PSG8: variants seen among roughly 807,000 people sequenced by gnomAD.
PSG8 encodes the protein pregnancy-specific beta-1-glycoprotein 8.
Under a neutral mutation model 42.5 loss-of-function variants are expected in PSG8, and 57 were observed. The ratio of observed to expected loss-of-function variants is 1.34; its 90% CI spans 1.08 to 1.67. The LOEUF (loss-of-function observed/expected upper bound fraction) is 1.67. Among genes scored for constraint, PSG8 ranks in the 40% most tolerant of loss-of-function variants. The pLI is 0.00. For missense variants in PSG8, 783 were observed against 518.6 expected (o/e 1.51, Z -4.95); for synonymous variants, 280 against 196.8 (o/e 1.42, Z -3.54).
downstream of PSG8, chr19:42,752,988 C>G (rs955237718): frequency 1.1e-5 from 5 of 475,280 alleles, no homozygotes; most frequent in African/African-American, 9.7e-5. Flanking sequence ...CTATTGTTAC[C>G]CTCAGAAGCT....
chr19:42,763,929 G>T lies in PSG8; in HGVS notation c.417C>A (p.Thr139=). 6.2e-7 allele frequency: 1 copy of T among 1,613,706 alleles called. No individual in the cohort carries two copies. Among genetic ancestry groups the T allele is most frequent in the Non-Finnish European group, 8.5e-7 (1 of 1,179,782 alleles). The change falls in exon 2 of 5, where the codon ACC becomes ACA. Residue 139 remains threonine, a synonymous_variant. Transcript: ENST00000306511. ...DENRGVTGHF[T]FTLYLETPKP... ...GGAATCACTCACGATATAAGGTGAA[G>T]GTGAAATGTCCAGTTACTCCTCTAT...
intron 2 of PSG8, 71 bp downstream of exon 2, chr19:42,763,845 A>T: frequency 6.2e-7 from 1 of 1,610,958 alleles, no homozygotes; most frequent in South Asian, 1.1e-5. Context: ...TCCAGGCCTG[A>T]CAATCCTGTG....
At chr19:42,754,744 A>T in intron 4 of PSG8, 157 bp from the exon 5 acceptor site, 1 of 1,271,100 alleles carries the variant, frequency 7.9e-7, no homozygotes, top group Non-Finnish European at 1.1e-6. Context: ...TCAGGTATTC[A>T]CCTGTTTCTC....
intron 1 of PSG8, among the ~76,000 whole-genome samples, chr19:42,765,001 C>A (rs1005692649): frequency 6.6e-6 from 1 of 151,944 alleles, no homozygotes; most frequent in South Asian, 2.1e-4. Context: ...ATGTGGTGGC[C>A]CCTGATGATT....
At chr19:42,761,918 C>T (rs1970086624) in intron 2 of PSG8, among the ~76,000 whole-genome samples, 2 of 133,706 alleles carry the variant, frequency 1.5e-5, no homozygotes, top group Admixed American at 8.8e-5. Context: ...TATCCCTGTC[C>T]CATTGTCTTG....
chr19:42,765,131 C>A (rs964534219), intron 1 of PSG8, among the ~76,000 whole-genome samples: 1 of 151,292 alleles, frequency 6.6e-6, no homozygotes, highest in Non-Finnish European at 1.5e-5. Flanking sequence ...TCCAATAGAG[C>A]CTTCTTTCCT....
chr19:42,758,366 A>T, intron 2 of PSG8, 86 bp from the exon 3 acceptor site: 1 of 1,550,658 alleles, frequency 6.4e-7, no homozygotes, highest in Non-Finnish European at 8.7e-7. Context: ...GGCATTTCCC[A>T]CCTCTCAGCC....
In PSG8 at chr19:42,762,283, A is replaced by T. The variant is rs1223153609; in HGVS notation, c.430+1633T>A. ...GCAGTGAGCAGTGAGGGAGACACTGACTTCAAAAACCCCAGGGACCAGGTG... is the reference window on the plus strand; with the variant it reads ...GCAGTGAGCAGTGAGGGAGACACTGTCTTCAAAAACCCCAGGGACCAGGTG... On this transcript the variant is annotated intron_variant, in intron 2 of 4. Transcript: ENST00000306511. 2.0e-5 allele frequency among the ~76,000 whole-genome samples: 3 copies of T among 152,064 alleles called. No individual in the cohort carries two copies. The South Asian group carries it at 6.3e-4, about 32-fold the overall frequency.
Position 42,754,359 on chromosome 19 carries a change from G to A in PSG8, c.1217C>T (p.Ser406Phe). ...AGAGACTTTTACTGTCATGGATTTGGAGCTTTCCTTGCCAGTGGCTGAGTT... is the reference window on the plus strand; with the variant it reads ...AGAGACTTTTACTGTCATGGATTTGAAGCTTTCCTTGCCAGTGGCTGAGTT... ...VRNSATGKES[S>F]KSMTVKVSGK... is the part of the protein sequence containing the mutation. The change falls in exon 5 of 5, where the codon TCC (serine) becomes TTC (phenylalanine). Residue 406 changes from serine (S) to phenylalanine (F), a missense_variant. Transcript: ENST00000306511. The A allele has an allele frequency of 6.2e-7, 1 of 1,613,784 alleles. No homozygotes were observed. The highest frequency in any genetic ancestry group is 8.5e-7 in the Non-Finnish European group (1 of 1,179,780).
chr19:42,760,155 A>C (rs958331981), intron 2 of PSG8, among the ~76,000 whole-genome samples: 5 of 151,808 alleles, frequency 3.3e-5, no homozygotes, highest in African/African-American at 9.7e-5. Context: ...CTAGAGTTTA[A>C]GTTTGTGTGA....
chr19:42,765,433 T>A, intron 1 of PSG8, 85 bp downstream of exon 1: 1 of 1,581,030 alleles, frequency 6.3e-7, no homozygotes, highest in Non-Finnish European at 8.6e-7. Flanking sequence ...TTCTTTCATT[T>A]TTTAGTACCC....
At chr19:42,763,885 C>T (rs1423432543) in intron 2 of PSG8, 31 bp downstream of exon 2, 4 of 1,613,436 alleles carry the variant, frequency 2.5e-6, no homozygotes, top group South Asian at 2.2e-5. Flanking sequence ...CCCTGTCCCC[C>T]AACACCCAGG....
downstream of PSG8, chr19:42,753,410 A>T: frequency 2.6e-6 from 2 of 778,656 alleles, no homozygotes; most frequent in Non-Finnish European, 4.8e-6. Flanking sequence ...AGAAACAATG[A>T]ACAGAGATGC....
chr19:42,759,320 G>C (rs573285526), intron 2 of PSG8, among the ~76,000 whole-genome samples: 2 of 152,232 alleles, frequency 1.3e-5, no homozygotes, highest in Non-Finnish European at 1.5e-5. Context: ...CTACGAGCTG[G>C]GATCAGGGCA....
rs1207146736 is a variant in PSG8, at chr19:42,755,915, G to C, written c.710-649C>G. On this transcript the variant is annotated intron_variant, in intron 3 of 4. Coordinates refer to ENST00000306511, the MANE Select transcript of PSG8 (RefSeq NM_182707.3). ...CTTGAACCAGTGACCTCTAAAGATA[G>C]AGCAGAGTGCAAGGAATGATCTAGA... 3.2e-5 allele frequency: 5 copies of C among 156,312 alleles called. 1 individual carries two copies. The highest frequency in any genetic ancestry group is 5.7e-5 in the Non-Finnish European group (4 of 70,426). The allele number at this position is 156,312 out of a possible 1,614,324, so 9.7% of individuals were successfully genotyped here. A position where few individuals can be genotyped will look rare whatever the true frequency, so the allele number is the denominator to read the frequency against.
intron 2 of PSG8, 170 bp downstream of exon 2, chr19:42,763,746 C>T: frequency 7.7e-7 from 1 of 1,305,532 alleles, no homozygotes; most frequent in Non-Finnish European, 1.1e-6. Flanking sequence ...GAATTCTGAT[C>T]TGTTGAAATT....
intron 2 of PSG8, among the ~76,000 whole-genome samples, chr19:42,760,775 G>T (rs59841198): frequency 0.038 from 5,796 of 152,048 alleles, 383 homozygotes; most frequent in African/African-American, 0.13. Flanking sequence ...GTAGAGACGA[G>T]GTTTCACCAT....
chr19:42,765,269 C>T (rs528272537), intron 1 of PSG8, among the ~76,000 whole-genome samples: 1 of 151,970 alleles, frequency 6.6e-6, no homozygotes, highest in South Asian at 2.1e-4. Flanking sequence ...TCTTCTGCCT[C>T]AGCCTCCCGA....
intron 4 of PSG8, 63 bp downstream of exon 4, chr19:42,754,925 T>G: frequency 6.4e-7 from 1 of 1,573,702 alleles, no homozygotes. Context: ...GTGAGAGGCC[T>G]GGCCTCTGGT....
Sources: gnomAD v4.1 joint callset for allele counts (sites outside exome capture counted in the v4.1 genomes callset) on GRCh38, gnomAD v4.1.1 for gene constraint, MANE v1.5 for transcripts, NCBI Gene and HGNC (gene_info 2026-07-23, HGNC 2026-07-21) for gene names.